SPTLC1: variants seen among roughly 807,000 people sequenced by gnomAD.
SPTLC1 encodes the protein serine palmitoyltransferase long chain base subunit 1, also known as serine palmitoyltransferase 1.
A neutral mutation model predicts 68.9 loss-of-function variants in SPTLC1; 55 were observed. The ratio of observed to expected loss-of-function variants is 0.80; its 90% confidence interval spans 0.64 to 1.00. The LOEUF is 1.00. Ranked by LOEUF, SPTLC1 falls within the 50% of genes least tolerant of loss-of-function variation. The pLI is 0.00. For missense variants in SPTLC1, 449 were observed against 573.1 expected (o/e 0.78, Z 2.21); for synonymous variants, 197 against 201.6 (o/e 0.98, Z 0.19).
rs1173053407 is a variant in SPTLC1, at chr9:92,100,748, G to C, written c.260+7992C>G. Reference sequence around the variant, plus strand: ...CCGCCGCCTTCTCCCCCAGCCCCCAGTCCTGAGCAGAAAAACAAACTGCAC... The same window carrying C: ...CCGCCGCCTTCTCCCCCAGCCCCCACTCCTGAGCAGAAAAACAAACTGCAC... On this transcript the variant is annotated intron_variant, in intron 3 of 14. Coordinates refer to ENST00000262554, the MANE Select transcript of SPTLC1 (RefSeq NM_006415.4). Among the ~76,000 whole-genome samples, 9 of 150,840 alleles carry C rather than the reference G, an allele frequency of 6.0e-5. No individual in the cohort carries two copies. The Admixed American group carries it at 6.0e-4, about 10-fold the overall frequency.
At chr9:92,104,458 A>ACC (rs1315977835) in intron 3 of SPTLC1, 1 of 1,392,532 alleles carries the variant, frequency 7.2e-7, no homozygotes, top group African/African-American at 1.5e-5. Flanking sequence ...GAACACGGGC[A>ACC]CCCCACAGAG....
intron 3 of SPTLC1, among the ~76,000 whole-genome samples, chr9:92,098,048 T>C (rs1835597874): frequency 6.6e-6 from 1 of 152,136 alleles, no homozygotes; most frequent in South Asian, 2.1e-4. Flanking sequence ...CGGTGAAGAC[T>C]CCAAGATGGC....
chr9:92,115,025 G>A (rs1438319292), intron 1 of SPTLC1: 1 of 527,078 alleles, frequency 1.9e-6, no homozygotes, highest in African/African-American at 1.9e-5. Context: ...GGTTTTTGCA[G>A]ACCTGTCTCC....
chr9:92,089,312 C>A (rs1835272786), intron 3 of SPTLC1, among the ~76,000 whole-genome samples: 1 of 152,096 alleles, frequency 6.6e-6, no homozygotes, highest in South Asian at 2.1e-4. Context: ...ACTGGGGAGG[C>A]TAAAGCAGGA....
chr9:92,084,620 A>G (rs545162865), intron 3 of SPTLC1, among the ~76,000 whole-genome samples: 1 of 152,042 alleles, frequency 6.6e-6, no homozygotes, highest in African/African-American at 2.4e-5. Flanking sequence ...AAGCTTTTTG[A>G]TGTGCTGCTG....
intron 1 of SPTLC1, among the ~76,000 whole-genome samples, chr9:92,114,758 TAAATA>T (rs1336983714): frequency 6.6e-6 from 1 of 150,700 alleles, no homozygotes; most frequent in Non-Finnish European, 1.5e-5. Context: ...CAAAAATAAA[TAAATA>T]AAAATCGACT....
chr9:92,046,040 C>T lies in SPTLC1; in HGVS notation c.1095G>A (p.Val365=). The T allele has an allele frequency of 6.2e-7, 1 of 1,613,308 alleles. No homozygotes were observed. Among genetic ancestry groups the T allele is most frequent in the Non-Finnish European group, 8.5e-7 (1 of 1,179,642 alleles). The change falls in exon 12 of 15, where the codon GTG becomes GTA. Residue 365 remains valine (V), a synonymous_variant. Transcript: ENST00000262554. ...IMEENPGIFA[V]LKEKCGQIHK... ...GAATTTGTCCGCACTTTTCCTTCAA[C>T]ACTGCAAAAATACCTAGATGAAAAA...
rs28414148 is a variant in SPTLC1, at chr9:92,070,981, G to A, written c.428-2883C>T. 7.3e-3 allele frequency among the ~76,000 whole-genome samples: 1,106 copies of A among 152,072 alleles called. 9 individuals are homozygous for A. Among genetic ancestry groups the A allele is most frequent in the African/African-American group, 0.025 (1,033 of 41,462 alleles). On this transcript the variant is annotated intron_variant, in intron 5 of 14. Coordinates refer to ENST00000262554, the MANE Select transcript of SPTLC1 (RefSeq NM_006415.4). Reference sequence around the variant, plus strand: ...AAGGAGGAGAGATTACGGCCTTCCTGGTTGTTTTCCAGAGAGAACACCATA... The same window carrying A: ...AAGGAGGAGAGATTACGGCCTTCCTAGTTGTTTTCCAGAGAGAACACCATA...
intron 3 of SPTLC1, chr9:92,104,819 T>C (rs1835897402): frequency 6.5e-7 from 1 of 1,530,790 alleles, no homozygotes; most frequent in African/African-American, 1.4e-5. Context: ...TCCCAGGCCC[T>C]TGGAGGGAAA....
chr9:92,044,303 G>C (rs115733192), intron 12 of SPTLC1, among the ~76,000 whole-genome samples: 1 of 152,234 alleles, frequency 6.6e-6, no homozygotes, highest in Non-Finnish European at 1.5e-5. Context: ...AGAGGAGACC[G>C]AGATGGAGCC....
chr9:92,105,542 A>AG, intron 3 of SPTLC1: 4 of 592,354 alleles, frequency 6.8e-6, no homozygotes, highest in South Asian at 4.1e-5. Context: ...CTGGGAAGTG[A>AG]GGAGCGCCTC....
At chr9:92,047,736 T>C in intron 9 of SPTLC1, 28 bp from the exon 10 acceptor site, 1 of 1,535,632 alleles carries the variant, frequency 6.5e-7, no homozygotes, top group Non-Finnish European at 9.0e-7. Flanking sequence ...GTGACAGTTA[T>C]TCCACAGTTT....
intron 8 of SPTLC1, chr9:92,051,435 A>T (rs747300115): frequency 2.8e-5 from 5 of 177,172 alleles, no homozygotes; most frequent in Non-Finnish European, 5.5e-5. Flanking sequence ...CTCTCATGAT[A>T]AAACACTCAA....
At chr9:92,038,488 A>C (rs1156754091) in intron 12 of SPTLC1, 123 bp from the exon 13 acceptor site, 1 of 762,958 alleles carries the variant, frequency 1.3e-6, no homozygotes, top group Non-Finnish European at 2.4e-6. Context: ...CTTGCGACTG[A>C]TGGGAAGCAT....
intron 9 of SPTLC1, among the ~76,000 whole-genome samples, chr9:92,048,790 G>A (rs967604898): frequency 6.6e-6 from 1 of 152,294 alleles, no homozygotes; most frequent in East Asian, 1.9e-4. Flanking sequence ...AATATTCAGT[G>A]TTCAGATATC....
At chr9:92,056,214 G>C (rs565102824) in intron 7 of SPTLC1, among the ~76,000 whole-genome samples, 1 of 152,146 alleles carries the variant, frequency 6.6e-6, no homozygotes, top group Non-Finnish European at 1.5e-5. Flanking sequence ...GATGTTCCCA[G>C]GTGGTGGGGT....
chr9:92,086,069 G>A (rs1292174497), intron 3 of SPTLC1, among the ~76,000 whole-genome samples: 31 of 151,454 alleles, frequency 2.0e-4, no homozygotes, highest in Middle Eastern at 3.4e-3. Flanking sequence ...TGCAACCCCT[G>A]CCTTTTTTTG....
intron 13 of SPTLC1, among the ~76,000 whole-genome samples, chr9:92,035,899 T>C (rs2040614478): frequency 6.6e-6 from 1 of 152,252 alleles, no homozygotes; most frequent in Non-Finnish European, 1.5e-5. Flanking sequence ...GCTCTGTTTC[T>C]AGCCCTGGCT....
intron 3 of SPTLC1, among the ~76,000 whole-genome samples, chr9:92,094,943 C>T (rs1005180737): frequency 2.6e-5 from 4 of 152,144 alleles, no homozygotes; most frequent in African/African-American, 9.7e-5. Flanking sequence ...GACAATGACT[C>T]ATCAGTGACT....
Sources: gnomAD v4.1 joint callset for allele counts (sites outside exome capture counted in the v4.1 genomes callset) on GRCh38, gnomAD v4.1.1 for gene constraint, MANE v1.5 for transcripts, NCBI Gene and HGNC (gene_info 2026-07-23, HGNC 2026-07-21) for gene names.